Variants in CDH20 observed in about 807,000 individuals in gnomAD.
CDH20 encodes the protein cadherin-20.
A neutral mutation model predicts 74.2 loss-of-function variants in CDH20; 29 were observed. The ratio of observed to expected loss-of-function variants is 0.39; its 90% CI spans 0.29 to 0.53. The LOEUF (loss-of-function observed/expected upper bound fraction) is 0.53. CDH20 is among the 20% of genes least tolerant of loss of function. The pLI, the probability that CDH20 is intolerant of heterozygous loss-of-function variation, is 0.69. For missense variants in CDH20, 988 were observed against 1,048.3 expected (o/e 0.94, Z 0.79); for synonymous variants, 469 against 405.4 (o/e 1.16, Z -1.88).
At chr18:61,478,870 CT>C (rs1368638583) in intron 1 of CDH20, among the ~76,000 whole-genome samples, 1 of 152,038 alleles carries the variant, frequency 6.6e-6, no homozygotes, top group Non-Finnish European at 1.5e-5. Flanking sequence ...GAGCATAGTT[CT>C]GAAAATCTCT....
Position 61,490,810 on chromosome 18 carries a change from C to A in CDH20, c.246+11C>A, listed in dbSNP as rs1208966338. ...TTGTATGTCGGCAAGGTAAGAAATG[C>A]CAAGTAGAAATGACCCGGGTATTGG... On this transcript the variant is annotated intron_variant, in intron 2 of 11. Coordinates refer to ENST00000262717, the MANE Select transcript of CDH20 (RefSeq NM_031891.4). The A allele has an allele frequency of 1.2e-6, 2 of 1,613,262 alleles. No individual in the cohort carries two copies. The highest frequency in any genetic ancestry group is 1.7e-6 in the Non-Finnish European group (2 of 1,179,340).
At chr18:61,429,280 A>G (rs576942268) in intron 1 of CDH20, among the ~76,000 whole-genome samples, 28 of 152,282 alleles carry the variant, frequency 1.8e-4, no homozygotes, top group Non-Finnish European at 3.8e-4. Flanking sequence ...CTCATCCCAG[A>G]CACAGACCAT....
chr18:61,474,162 G>T (rs77022270), intron 1 of CDH20, among the ~76,000 whole-genome samples: 1,906 of 152,114 alleles, frequency 0.013, 45 homozygotes, highest in African/African-American at 0.044. Flanking sequence ...ACTCTCTACC[G>T]AAAGAAGGGC....
intron 1 of CDH20, among the ~76,000 whole-genome samples, chr18:61,354,057 A>T (rs919375266): frequency 5.4e-4 from 82 of 151,938 alleles, no homozygotes; most frequent in African/African-American, 1.8e-3. Context: ...AAAAAAAAGA[A>T]AAAGAAAAAG....
chr18:61,552,326 C>T (rs1913465044), intron 11 of CDH20, among the ~76,000 whole-genome samples: 1 of 151,558 alleles, frequency 6.6e-6, no homozygotes, highest in African/African-American at 2.4e-5. Context: ...GACCATTTTC[C>T]TCAAAATCTG....
At position 61,384,159 on chromosome 18, in the gene CDH20, C is replaced by A. The variant is rs574184428; in HGVS notation, c.-153+50332C>A. Among the ~76,000 whole-genome samples, 39 of 152,258 alleles carry A rather than the reference C, an allele frequency of 2.6e-4. No individual in the cohort carries two copies. In the South Asian group the frequency reaches 8.1e-3, roughly 32 times the overall value. ...TTGTGAATAGACTGTCTCAGGCTAC[C>A]AGGTATCTTCACATTAGAGACCTTT... On this transcript the variant is annotated intron_variant, in intron 1 of 11. Transcript: ENST00000262717.
intron 5 of CDH20, among the ~76,000 whole-genome samples, chr18:61,505,295 A>G (rs1189960098): frequency 6.6e-6 from 1 of 151,830 alleles, no homozygotes. Flanking sequence ...ACACTATACA[A>G]GGATTACTGG....
intron 1 of CDH20, among the ~76,000 whole-genome samples, chr18:61,437,722 C>T (rs1440877163): frequency 6.6e-6 from 1 of 152,118 alleles, no homozygotes; most frequent in African/African-American, 2.4e-5. Flanking sequence ...CTTTACTTCT[C>T]TGGACATCAG....
At chr18:61,508,882 C>A (rs933730101) in intron 6 of CDH20, among the ~76,000 whole-genome samples, 1 of 152,182 alleles carries the variant, frequency 6.6e-6, no homozygotes. Context: ...GGCAATCTGC[C>A]CCCCTCAGCC....
chr18:61,538,914 G>C, intron 8 of CDH20, 110 bp from the exon 9 acceptor site: 1 of 1,241,364 alleles, frequency 8.1e-7, no homozygotes. Context: ...TTACAGGCGT[G>C]AGCCACTGCG....
intron 1 of CDH20, among the ~76,000 whole-genome samples, chr18:61,370,862 A>C (rs749080255): frequency 6.6e-6 from 1 of 152,120 alleles, no homozygotes; most frequent in Non-Finnish European, 1.5e-5. Context: ...AAAAGTATTC[A>C]GTGACAAATC....
chr18:61,484,359 G>A (rs72993721), intron 1 of CDH20, among the ~76,000 whole-genome samples: 9,537 of 152,202 alleles, frequency 0.063, 415 homozygotes, highest in Non-Finnish European at 0.097. Flanking sequence ...ACTGGAGGAA[G>A]GGTAAAGTAG....
At chr18:61,397,098 G>T (rs944382436) in intron 1 of CDH20, among the ~76,000 whole-genome samples, 1 of 152,046 alleles carries the variant, frequency 6.6e-6, no homozygotes, top group African/African-American at 2.4e-5. Context: ...GGTAGGTGTT[G>T]CTTCCATGGG....
intron 6 of CDH20, among the ~76,000 whole-genome samples, chr18:61,509,258 G>A (rs905339173): frequency 9.2e-5 from 14 of 152,180 alleles, no homozygotes; most frequent in African/African-American, 3.4e-4. Flanking sequence ...GGGTGATTGG[G>A]ACTGGTGTCA....
chr18:61,466,439 C>G (rs947657980), intron 1 of CDH20, among the ~76,000 whole-genome samples: 2 of 152,146 alleles, frequency 1.3e-5, no homozygotes, highest in African/African-American at 4.8e-5. Flanking sequence ...ACATGATGTT[C>G]TAGTCACGCA....
chr18:61,513,075 G>A (rs1313052138), intron 6 of CDH20, among the ~76,000 whole-genome samples: 7 of 151,542 alleles, frequency 4.6e-5, no homozygotes, highest in East Asian at 3.9e-4. Flanking sequence ...TTTCTGTCTC[G>A]TTGATCTGTC....
intron 1 of CDH20, among the ~76,000 whole-genome samples, chr18:61,488,457 C>CT (rs1345691345): frequency 6.6e-6 from 1 of 152,052 alleles, no homozygotes; most frequent in Admixed American, 6.6e-5. Flanking sequence ...TTACAGGGCA[C>CT]TTTTTTGCCT....
At chr18:61,504,099 TA>T (rs1345154378) in intron 5 of CDH20, among the ~76,000 whole-genome samples, 1 of 152,148 alleles carries the variant, frequency 6.6e-6, no homozygotes, top group Non-Finnish European at 1.5e-5. Context: ...CTCCTAAAAT[TA>T]AAACCTGCTC....
chr18:61,342,827 A>G (rs752935643), intron 1 of CDH20, among the ~76,000 whole-genome samples: 17 of 152,230 alleles, frequency 1.1e-4, no homozygotes, highest in Non-Finnish European at 2.2e-4. Context: ...GCCACATTAT[A>G]TATGATTTGT....
Sources: gnomAD v4.1 joint callset for allele counts (sites outside exome capture counted in the v4.1 genomes callset) on GRCh38, gnomAD v4.1.1 for gene constraint, MANE v1.5 for transcripts, NCBI Gene and HGNC (gene_info 2026-07-23, HGNC 2026-07-21) for gene names.